Variants in ST8SIA1 observed in about 807,000 individuals in gnomAD.
ST8SIA1 encodes alpha-N-acetylneuraminide alpha-2,8-sialyltransferase.
ST8SIA1 carries 16 observed loss-of-function variants against 35.9 expected under a neutral mutation model. The ratio of observed to expected loss-of-function variants is 0.45; its 90% CI spans 0.30 to 0.68. The LOEUF is 0.68. Ranked by LOEUF, ST8SIA1 falls within the 30% of genes least tolerant of loss-of-function variation. The pLI, the probability that ST8SIA1 is intolerant of heterozygous loss-of-function variation, is 0.09. For missense variants in ST8SIA1, 383 were observed against 453.6 expected (o/e 0.84, Z 1.41); for synonymous variants, 170 against 169.6 (o/e 1.00, Z -0.02).
chr12:22,299,363 G>T (rs1866289242), intron 1 of ST8SIA1, among the ~76,000 whole-genome samples: 2 of 152,092 alleles, frequency 1.3e-5, no homozygotes, highest in African/African-American at 4.8e-5. Flanking sequence ...TTTCTGGTAA[G>T]AAAGCTTAAA....
chr12:22,261,482 T>G (rs1865791155), intron 2 of ST8SIA1, among the ~76,000 whole-genome samples: 1 of 152,164 alleles, frequency 6.6e-6, no homozygotes, highest in Non-Finnish European at 1.5e-5. Flanking sequence ...TAATAACATA[T>G]TTGTGTAGAA....
In ST8SIA1 at chr12:22,201,451, G is replaced by C. The variant is rs1371282933; in HGVS notation, c.*101C>G. On this transcript the variant is annotated 3_prime_UTR_variant, in exon 5 of 5. Transcript: ENST00000396037. ...TTGCTCCTTTCCTGTTTTTCCAAGG[G>C]CCCATGCAAACTCATGAAACAACTT... The C allele has an allele frequency of 1.4e-6, 2 of 1,444,152 alleles. No homozygotes were observed. The highest frequency in any genetic ancestry group is 4.6e-5 in the East Asian group (2 of 43,118). 89.5% of individuals were successfully genotyped at this position (1,444,152 alleles called of 1,614,324 possible). A position where few individuals can be genotyped will look rare whatever the true frequency, so the allele number is the denominator to read the frequency against.
chr12:22,281,846 A>G (rs1866040238), intron 2 of ST8SIA1, among the ~76,000 whole-genome samples: 1 of 151,600 alleles, frequency 6.6e-6, no homozygotes, highest in South Asian at 2.1e-4. Context: ...ATACAATAAA[A>G]AAAATACAAA....
At chr12:22,215,615 T>C (rs1014293532) in intron 4 of ST8SIA1, among the ~76,000 whole-genome samples, 8 of 151,622 alleles carry the variant, frequency 5.3e-5, no homozygotes, top group Non-Finnish European at 1.2e-4. Context: ...GTGGGAAGCA[T>C]CTCAAACTCA....
chr12:22,240,180 C>T (rs577961942), intron 4 of ST8SIA1, among the ~76,000 whole-genome samples: 8 of 152,100 alleles, frequency 5.3e-5, no homozygotes, highest in African/African-American at 1.9e-4. Context: ...TCAACAGTCC[C>T]CAAGGTAAAT....
chr12:22,309,253 C>A (rs1866420734), intron 1 of ST8SIA1, among the ~76,000 whole-genome samples: 1 of 152,052 alleles, frequency 6.6e-6, no homozygotes, highest in African/African-American at 2.4e-5. Context: ...GCTTTTCTTC[C>A]CTAAAGACTA....
chr12:22,247,493 T>C (rs1346187159), intron 4 of ST8SIA1, among the ~76,000 whole-genome samples: 1 of 152,156 alleles, frequency 6.6e-6, no homozygotes, highest in Admixed American at 6.5e-5. Flanking sequence ...ATTTCTTCTT[T>C]GTACTTTTCT....
chr12:22,237,393 T>G lies in ST8SIA1; in HGVS notation c.584+11613A>C, dbSNP rs562904229. Among the ~76,000 whole-genome samples, 9 of 152,270 alleles carry G rather than the reference T, an allele frequency of 5.9e-5. No homozygotes were observed. In the East Asian group the frequency reaches 1.7e-3, roughly 29 times the overall value. ...AGCTGGGATTGCAGGTGTGAGCCAC[T>G]GTGCCCAGCCAAGGTCTGCTTTTTA... On this transcript the variant is annotated intron_variant, in intron 4 of 4. Coordinates refer to ENST00000396037, the MANE Select transcript of ST8SIA1 (RefSeq NM_003034.4).
rs2120753198 is a variant in ST8SIA1 at position 22,250,106 on chromosome 12, ACTCC to A, written c.492-1012_492-1009del. Among the ~76,000 whole-genome samples the A allele has an allele frequency of 2.6e-5, 4 of 151,906 alleles. No individual in the cohort carries two copies. The East Asian group carries it at 7.7e-4, about 29-fold the overall frequency. ...TGATGGGAACAGCCACCCCACTCCC[ACTCC>A]CAAAACCCCACCCTGCCCCAGTTGC... On this transcript the variant is annotated intron_variant, in intron 3 of 4. Coordinates refer to ENST00000396037, the MANE Select transcript of ST8SIA1 (RefSeq NM_003034.4).
At chr12:22,251,240 G>C (rs994879258) in intron 3 of ST8SIA1, among the ~76,000 whole-genome samples, 1 of 152,186 alleles carries the variant, frequency 6.6e-6, no homozygotes, top group Non-Finnish European at 1.5e-5. Context: ...TATTGCTGGA[G>C]AGTACTGTCA....
chr12:22,221,308 A>C (rs1865298910), intron 4 of ST8SIA1, among the ~76,000 whole-genome samples: 1 of 152,228 alleles, frequency 6.6e-6, no homozygotes, highest in Non-Finnish European at 1.5e-5. Flanking sequence ...CAAGAGGAAG[A>C]GGAGGTAAAT....
At chr12:22,240,501 A>G (rs961799260) in intron 4 of ST8SIA1, among the ~76,000 whole-genome samples, 10 of 152,172 alleles carry the variant, frequency 6.6e-5, no homozygotes, top group Admixed American at 5.9e-4. Flanking sequence ...CCTTGATACA[A>G]ACAATGATAA....
chr12:22,212,436 A>G (rs1428999983), intron 4 of ST8SIA1, among the ~76,000 whole-genome samples: 1 of 152,122 alleles, frequency 6.6e-6, no homozygotes, highest in African/African-American at 2.4e-5. Context: ...CCTTCTGTCA[A>G]TGAATGTTAA....
At chr12:22,289,013 T>C (rs1866141834) in intron 1 of ST8SIA1, among the ~76,000 whole-genome samples, 1 of 152,124 alleles carries the variant, frequency 6.6e-6, no homozygotes, top group African/African-American at 2.4e-5. Context: ...CTCAAATGGT[T>C]GGGATAACAG....
chr12:22,321,279 G>A (rs1169081568), intron 1 of ST8SIA1, among the ~76,000 whole-genome samples: 1 of 152,124 alleles, frequency 6.6e-6, no homozygotes, highest in African/African-American at 2.4e-5. Flanking sequence ...TGGATGGAGT[G>A]TTTATCAGGA....
At chr12:22,294,375 A>G (rs1178198345) in intron 1 of ST8SIA1, among the ~76,000 whole-genome samples, 1 of 152,228 alleles carries the variant, frequency 6.6e-6, no homozygotes, top group Non-Finnish European at 1.5e-5. Context: ...TACACACTCC[A>G]TATAGAGCAG....
At position 22,197,904 on chromosome 12, in the gene ST8SIA1, A is replaced by C. The variant is rs1228325225; in HGVS notation, c.*3648T>G. 1 of 152,214 alleles carries C rather than the reference A, an allele frequency of 6.6e-6. No homozygotes were observed. Among genetic ancestry groups the C allele is most frequent in the African/African-American group, 2.4e-5 (1 of 41,464 alleles). The allele number at this position is 152,214 out of a possible 1,614,324, so 9.4% of individuals were successfully genotyped here. A position where few individuals can be genotyped will look rare whatever the true frequency, so the allele number is the denominator to read the frequency against. On this transcript the variant is annotated 3_prime_UTR_variant, in exon 5 of 5. Coordinates refer to ENST00000396037, the MANE Select transcript of ST8SIA1 (RefSeq NM_003034.4). ...AGTGAGCACTTCCTTAACTTCTTGTATGAGAATTATGCAGTTTAGATGTGC... is the reference window on the plus strand; with the variant it reads ...AGTGAGCACTTCCTTAACTTCTTGTCTGAGAATTATGCAGTTTAGATGTGC...
At chr12:22,307,404 G>A (rs11046362) in intron 1 of ST8SIA1, among the ~76,000 whole-genome samples, 25,740 of 151,964 alleles carry the variant, frequency 0.17, 3,053 homozygotes, top group African/African-American at 0.32. Flanking sequence ...TCTGCCAGCC[G>A]GGTGATAAGA....
chr12:22,282,324 G>A (rs1209759237), intron 2 of ST8SIA1, among the ~76,000 whole-genome samples: 3 of 152,120 alleles, frequency 2.0e-5, no homozygotes, highest in Non-Finnish European at 2.9e-5. Context: ...ACACAGAGTC[G>A]CTGTAAGGGC....
Sources: gnomAD v4.1 joint callset for allele counts (sites outside exome capture counted in the v4.1 genomes callset) on GRCh38, gnomAD v4.1.1 for gene constraint, MANE v1.5 for transcripts, NCBI Gene and HGNC (gene_info 2026-07-23, HGNC 2026-07-21) for gene names.